Variants in LCOR observed in about 807,000 individuals in gnomAD.
The protein encoded by LCOR is ligand dependent nuclear receptor corepressor, also known as ligand-dependent corepressor.
A neutral mutation model predicts 64.4 loss-of-function variants in LCOR; 14 were observed. That is an observed-to-expected ratio of 0.22 (90% CI 0.14 to 0.34). The LOEUF (loss-of-function observed/expected upper bound fraction) is 0.34. LCOR is among the 10% of genes least tolerant of loss of function. The pLI is 1.00. For synonymous variants in LCOR, 643 were observed against 642.5 expected (o/e 1.00, Z -0.01); for missense variants, 1,686 against 1,765.3 (o/e 0.96, Z 0.80).
At chr10:96,958,139 G>T in intron 7 of LCOR, 1 of 1,208,386 alleles carries the variant, frequency 8.3e-7, no homozygotes, top group African/African-American at 1.5e-5. Flanking sequence ...GTAATGTTTG[G>T]GATATTCAGT....
At chr10:96,962,483 G>T (rs898983786) in intron 7 of LCOR, 7 of 152,062 alleles carry the variant, frequency 4.6e-5, no homozygotes, top group East Asian at 3.8e-4. Context: ...TTGTGGAAGG[G>T]TATATTTCTA....
intron 4 of LCOR, among the ~76,000 whole-genome samples, chr10:96,931,259 A>C (rs1589663797): frequency 7.1e-6 from 1 of 140,568 alleles, no homozygotes; most frequent in Admixed American, 7.3e-5. Flanking sequence ...TTTGAGATGG[A>C]GTCTTGCTCT....
chr10:96,843,419 G>A (rs1159257139), intron 2 of LCOR, among the ~76,000 whole-genome samples: 1 of 152,056 alleles, frequency 6.6e-6, no homozygotes, highest in Non-Finnish European at 1.5e-5. Flanking sequence ...AGGCATAAGT[G>A]TCTTTGGCCC....
At position 96,981,941 on chromosome 10, in the gene LCOR, G is replaced by C. The variant is rs375048893; in HGVS notation, c.1481G>C (p.Arg494Pro). 3 of 1,614,114 alleles carry C rather than the reference G, an allele frequency of 1.9e-6. No individual in the cohort carries two copies. Among genetic ancestry groups the C allele is most frequent in the Non-Finnish European group, 2.5e-6 (3 of 1,180,026 alleles). Residue 494 changes from arginine to proline, a missense_variant, in exon 8 of 8, where the codon CGG becomes CCG. Coordinates refer to ENST00000421806, the MANE Select transcript of LCOR (RefSeq NM_001346516.2). Reference sequence around the variant, plus strand: ...AATCAAAAATCAATATTATCTTCTCGGAAAACAGCCAGAAAGAGTACTCGA... The same window carrying C: ...AATCAAAAATCAATATTATCTTCTCCGAAAACAGCCAGAAAGAGTACTCGA... ...FENQKSILSSRKTARKSTRGY... is the reference protein window; with the variant it reads ...FENQKSILSSPKTARKSTRGY...
chr10:96,943,243 G>A (rs528686008), intron 4 of LCOR, among the ~76,000 whole-genome samples: 2 of 152,190 alleles, frequency 1.3e-5, no homozygotes, highest in East Asian at 1.9e-4. Flanking sequence ...TTGCAGGCAC[G>A]TGCCACCACG....
At chr10:96,852,062 A>G (rs148514307) in intron 2 of LCOR, among the ~76,000 whole-genome samples, 7 of 152,308 alleles carry the variant, frequency 4.6e-5, no homozygotes, top group Admixed American at 4.6e-4. Flanking sequence ...TTGGTTTCTG[A>G]TGCTTCAATG....
intron 2 of LCOR, among the ~76,000 whole-genome samples, chr10:96,862,766 A>G (rs1246699759): frequency 1.3e-5 from 2 of 152,170 alleles, no homozygotes; most frequent in Non-Finnish European, 2.9e-5. Context: ...AAAAGACAAC[A>G]CTTTGTAGTC....
chr10:96,943,738 T>G (rs1847538750), intron 4 of LCOR, among the ~76,000 whole-genome samples: 1 of 150,894 alleles, frequency 6.6e-6, no homozygotes. Context: ...AAAAAAATTT[T>G]TTTTTTGGTA....
At chr10:96,893,914 A>C (rs1016288013) in intron 2 of LCOR, among the ~76,000 whole-genome samples, 2 of 152,176 alleles carry the variant, frequency 1.3e-5, no homozygotes, top group African/African-American at 2.4e-5. Context: ...ATTACACTAC[A>C]ACAGTGAATG....
chr10:96,833,315 G>A, intron 1 of LCOR, 91 bp from the exon 2 acceptor site: 1 of 951,600 alleles, frequency 1.1e-6, no homozygotes, highest in Non-Finnish European at 1.3e-6. Context: ...CTGCGGGCCG[G>A]AGGGAGCGCG....
In LCOR at chr10:96,981,698, A is replaced by G. The variant is rs555609572; in HGVS notation, c.1238A>G (p.Lys413Arg). The change falls in exon 8 of 8, where the codon AAG becomes AGG. Residue 413 changes from lysine to arginine, a missense_variant. By Grantham distance (26) the Lys-to-Arg change is conservative. This residue lies in a region of LCOR where 1,293 missense variants were observed against 1,410.4 expected (regional missense o/e 0.92). Transcript: ENST00000421806. ...GGTTACCATTTACATCCCAGTGATA[A>G]GGGCCAGTTTGATCATTCCAAAGAT... ...KVGYHLHPSDKGQFDHSKDGW... is the reference protein window; with the variant it reads ...KVGYHLHPSDRGQFDHSKDGW... 10 of 1,614,228 alleles carry G rather than the reference A, an allele frequency of 6.2e-6. No individual in the cohort carries two copies. Among genetic ancestry groups the G allele is most frequent in the African/African-American group, 4.0e-5 (3 of 75,076 alleles).
intron 2 of LCOR, among the ~76,000 whole-genome samples, chr10:96,838,497 A>C (rs1330442136): frequency 2.0e-5 from 3 of 152,176 alleles, no homozygotes; most frequent in Admixed American, 2.0e-4. Context: ...CCTATGATCC[A>C]GCTCTTGGCA....
At chr10:96,867,455 G>A (rs1589616545) in intron 2 of LCOR, among the ~76,000 whole-genome samples, 1 of 152,228 alleles carries the variant, frequency 6.6e-6, no homozygotes, top group Admixed American at 6.5e-5. Flanking sequence ...AAATTAGTTG[G>A]GTGTGGTGGC....
Position 96,981,329 on chromosome 10 carries a change from G to A in LCOR, c.869G>A (p.Gly290Glu). Residue 290 changes from glycine to glutamate, a missense_variant, in exon 8 of 8, where the codon GGG becomes GAG. Physicochemically the swap from Gly to Glu is moderately conservative, Grantham distance 98 (BLOSUM62 -2). Transcript: ENST00000421806. ...CACCACATCCCTAAAATCTTGGAGG[G>A]GCAGACCACTGGACAAGAGCAAGAC... ...NFHHIPKILE[G>E]QTTGQEQDTN... is the part of the protein sequence containing the mutation. The A allele has an allele frequency of 6.2e-7, 1 of 1,608,228 alleles. No homozygotes were observed. The highest frequency in any genetic ancestry group is 8.5e-7 in the Non-Finnish European group (1 of 1,175,776).
chr10:96,931,230 A>ATTTTTTTTTTTTTTTTTTTTTTTTTT (rs796643815), intron 4 of LCOR, among the ~76,000 whole-genome samples: 1 of 132,728 alleles, frequency 7.5e-6, no homozygotes. Context: ...AAGCACTGGT[A>ATTTTTTTTTTTTTTTTTTTTTTTTTT]TTTTTTTTTT....
chr10:96,905,015 T>A (rs192557476), intron 2 of LCOR, among the ~76,000 whole-genome samples: 52 of 152,324 alleles, frequency 3.4e-4, no homozygotes, highest in Admixed American at 1.0e-3. Context: ...CAGTTGCTAT[T>A]TTGAGCAAAA....
chr10:96,920,237 G>A (rs1847024373), intron 4 of LCOR, among the ~76,000 whole-genome samples: 1 of 151,504 alleles, frequency 6.6e-6, no homozygotes, highest in South Asian at 2.1e-4. Flanking sequence ...GTTTTGGTTT[G>A]CAGTTCCCTA....
intron 2 of LCOR, among the ~76,000 whole-genome samples, chr10:96,837,924 A>G (rs1026886666): frequency 6.6e-6 from 1 of 152,184 alleles, no homozygotes; most frequent in Non-Finnish European, 1.5e-5. Flanking sequence ...GTGGAATCTC[A>G]GTTTGTGATA....
chr10:96,956,793 A>T (rs1197881347), intron 7 of LCOR: 11 of 985,778 alleles, frequency 1.1e-5, no homozygotes, highest in Non-Finnish European at 1.3e-5. Flanking sequence ...AGGATGCCTC[A>T]TTTTAGCAAA....
Sources: allele counts gnomAD v4.1 joint callset (sites outside exome capture counted in the v4.1 genomes callset), GRCh38; gene constraint gnomAD v4.1.1; regional missense constraint gnomAD v4.1.1; transcripts MANE v1.5; gene names NCBI Gene and HGNC (gene_info 2026-07-23, HGNC 2026-07-21).